The following SMAP1 variants were observed in gnomAD, a reference collection of about 807,000 sequenced individuals.
SMAP1 encodes the protein small ArfGAP 1, also known as stromal membrane-associated protein 1.
In SMAP1, 24 loss-of-function variants were observed where a neutral mutation model predicts 58.5. That is an observed-to-expected ratio of 0.41 (90% confidence interval 0.30 to 0.58). The LOEUF is 0.58. SMAP1 is among the 20% of genes least tolerant of loss of function. The pLI is 0.29. For synonymous variants in SMAP1, 216 were observed against 196.6 expected (o/e 1.10, Z -0.82); for missense variants, 563 against 566.3 (o/e 0.99, Z 0.06).
chr6:70,763,285 G>T (rs911040709), intron 3 of SMAP1, among the ~76,000 whole-genome samples: 1 of 151,888 alleles, frequency 6.6e-6, no homozygotes, highest in Non-Finnish European at 1.5e-5. Context: ...ATGGTGATCT[G>T]TCATCAGTGA....
intron 1 of SMAP1, among the ~76,000 whole-genome samples, chr6:70,712,314 G>T (rs1196918475): frequency 3.3e-5 from 5 of 152,172 alleles, no homozygotes; most frequent in Non-Finnish European, 7.3e-5. Context: ...TCTTTTTAAT[G>T]TGTTGTTGAA....
At chr6:70,723,244 AGCCTCCCAGGTAGCTGGGACTATAG>A (rs1768608808) in intron 1 of SMAP1, among the ~76,000 whole-genome samples, 1 of 152,142 alleles carries the variant, frequency 6.6e-6, no homozygotes, top group South Asian at 2.1e-4. Flanking sequence ...CTTCTGCCTC[AGCCTCCCAGGTAGCTGGGACTATAG>A]GCACATGCCA....
chr6:70,822,853 TG>T (rs1176307013), intron 6 of SMAP1, among the ~76,000 whole-genome samples: 2 of 152,134 alleles, frequency 1.3e-5, no homozygotes, highest in African/African-American at 4.8e-5. Context: ...TTTTTTCCTT[TG>T]CTTTTCTGTT....
chr6:70,828,450 G>T (rs1258696392), intron 6 of SMAP1, among the ~76,000 whole-genome samples: 2 of 152,182 alleles, frequency 1.3e-5, no homozygotes, highest in Non-Finnish European at 2.9e-5. Flanking sequence ...TGAGGCCGTA[G>T]ATTAGTTTTT....
intron 1 of SMAP1, chr6:70,668,641 C>T (rs993344030): frequency 7.2e-6 from 11 of 1,535,756 alleles, no homozygotes; most frequent in African/African-American, 4.1e-5. Flanking sequence ...GGAGCCCTAC[C>T]TGCCTGCCCA....
chr6:70,783,432 A>G (rs191163053), intron 4 of SMAP1, among the ~76,000 whole-genome samples: 4 of 152,372 alleles, frequency 2.6e-5, no homozygotes, highest in African/African-American at 9.6e-5. Context: ...CTCACCAGCA[A>G]CGGAACAATG....
intron 2 of SMAP1, among the ~76,000 whole-genome samples, chr6:70,733,112 A>G (rs1765490929): frequency 2.0e-5 from 3 of 152,346 alleles, no homozygotes; most frequent in Admixed American, 1.3e-4. Context: ...TGTAAAAATG[A>G]GTACTTCTAC....
At chr6:70,716,755 CAGTT>C in intron 1 of SMAP1, among the ~76,000 whole-genome samples, 1 of 152,118 alleles carries the variant, frequency 6.6e-6, no homozygotes, top group South Asian at 2.1e-4. Context: ...GTTGAGTTCT[CAGTT>C]TGTTTATGCA....
intron 1 of SMAP1, among the ~76,000 whole-genome samples, chr6:70,696,330 A>C (rs949953148): frequency 6.6e-6 from 1 of 152,034 alleles, no homozygotes; most frequent in Non-Finnish European, 1.5e-5. Context: ...TTAAAGCTAC[A>C]TCATTATGTT....
intron 2 of SMAP1, among the ~76,000 whole-genome samples, chr6:70,736,764 C>T (rs1417986434): frequency 4.6e-5 from 7 of 152,176 alleles, no homozygotes; most frequent in African/African-American, 1.4e-4. Flanking sequence ...TTTCTTGCTT[C>T]TGCTGCTTTC....
At chr6:70,798,287 T>C (rs1393983667) in intron 5 of SMAP1, among the ~76,000 whole-genome samples, 1 of 151,848 alleles carries the variant, frequency 6.6e-6, no homozygotes, top group Non-Finnish European at 1.5e-5. Flanking sequence ...TTTTTTCCAT[T>C]CAAAATTCAA....
chr6:70,821,238 T>A (rs778417523), intron 6 of SMAP1, among the ~76,000 whole-genome samples: 6 of 152,232 alleles, frequency 3.9e-5, no homozygotes, highest in Non-Finnish European at 1.5e-5. Context: ...TCTGTATGGA[T>A]TCTTTTGCTG....
At chr6:70,748,612 T>C (rs985605393) in intron 2 of SMAP1, among the ~76,000 whole-genome samples, 3 of 152,126 alleles carry the variant, frequency 2.0e-5, no homozygotes, top group African/African-American at 7.2e-5. Context: ...GTCTCCTTTT[T>C]CTGATTCAAG....
At chr6:70,816,890 T>A (rs939760641) in intron 6 of SMAP1, among the ~76,000 whole-genome samples, 10 of 152,146 alleles carry the variant, frequency 6.6e-5, no homozygotes, top group African/African-American at 2.4e-4. Context: ...GATTTAGTAA[T>A]TTGTTTTTAA....
chr6:70,825,483 T>G lies in SMAP1; in HGVS notation c.577-11458T>G, dbSNP rs115927361. On this transcript the variant is annotated intron_variant, in intron 6 of 10. Transcript: ENST00000370455. Reference sequence around the variant, plus strand: ...TGTGTAAAAACAAGAATAACAATAGTGAGATGAGTGTTAAAGATATAGCTG... The same window carrying G: ...TGTGTAAAAACAAGAATAACAATAGGGAGATGAGTGTTAAAGATATAGCTG... Among the ~76,000 whole-genome samples, 487 of 152,078 alleles carry G rather than the reference T, an allele frequency of 3.2e-3. 2 individuals carry two copies. Among genetic ancestry groups the G allele is most frequent in the African/African-American group, 0.011 (468 of 41,470 alleles).
chr6:70,723,097 T>C (rs1768602415), intron 1 of SMAP1, among the ~76,000 whole-genome samples: 1 of 152,218 alleles, frequency 6.6e-6, no homozygotes, highest in Non-Finnish European at 1.5e-5. Context: ...TGGCCCTTTA[T>C]AGACTCTTTT....
At chr6:70,767,576 T>C (rs1402602188) in intron 3 of SMAP1, among the ~76,000 whole-genome samples, 17 of 151,622 alleles carry the variant, frequency 1.1e-4, no homozygotes, top group African/African-American at 4.1e-4. Flanking sequence ...ATAAGAATGC[T>C]TGTGATTTTT....
chr6:70,765,314 T>C (rs1047894506), intron 3 of SMAP1, among the ~76,000 whole-genome samples: 1 of 152,062 alleles, frequency 6.6e-6, no homozygotes, highest in Non-Finnish European at 1.5e-5. Context: ...AAACCGGTTT[T>C]ACCCTAGGCT....
intron 4 of SMAP1, among the ~76,000 whole-genome samples, chr6:70,787,536 T>C (rs2149936087): frequency 6.6e-6 from 1 of 152,256 alleles, no homozygotes; most frequent in East Asian, 1.9e-4. Context: ...GAGAAAATTT[T>C]TGCAATCTAC....
Sources: gnomAD v4.1 joint callset for allele counts (sites outside exome capture counted in the v4.1 genomes callset) on GRCh38, gnomAD v4.1.1 for gene constraint, MANE v1.5 for transcripts, NCBI Gene and HGNC (gene_info 2026-07-23, HGNC 2026-07-21) for gene names.